TENM3: variants seen among roughly 807,000 people sequenced by gnomAD.
TENM3 encodes teneurin transmembrane protein 3.
A neutral mutation model predicts 255.1 loss-of-function variants in TENM3; 63 were observed. That is an observed-to-expected ratio of 0.25 (90% confidence interval 0.20 to 0.30). TENM3 has a LOEUF of 0.30. TENM3 is among the 10% of genes least tolerant of loss of function. The pLI, the probability that TENM3 is intolerant of heterozygous loss-of-function variation, is 1.00. For missense variants in TENM3, 2,929 were observed against 3,461.1 expected (o/e 0.85, Z 3.86); for synonymous variants, 1,306 against 1,322.3 (o/e 0.99, Z 0.27).
chr4:181,514,238 CTT>C, the TENM3 span, among the ~76,000 whole-genome samples: 4 of 152,094 alleles, frequency 2.6e-5, no homozygotes, highest in Non-Finnish European at 5.9e-5. Context: ...AAAACATAAA[CTT>C]TTTAATTCCA....
At chr4:181,648,872 G>A in the TENM3 span, among the ~76,000 whole-genome samples, 10 of 152,148 alleles carry the variant, frequency 6.6e-5, no homozygotes, top group South Asian at 2.1e-3. Context: ...TTGGAGTTTT[G>A]TGCATGAACA....
chr4:181,460,712 C>G, the TENM3 span, among the ~76,000 whole-genome samples: 1 of 133,230 alleles, frequency 7.5e-6, no homozygotes, highest in Non-Finnish European at 1.6e-5. Context: ...TCATGGCTTA[C>G]AATACACCCA....
At chr4:182,414,872 A>G (rs1770253316) in intron 3 of TENM3, among the ~76,000 whole-genome samples, 1 of 152,236 alleles carries the variant, frequency 6.6e-6, no homozygotes, top group African/African-American at 2.4e-5. Flanking sequence ...ACATAGAGAA[A>G]AAAGGTACAA....
chr4:182,078,306 G>A, the TENM3 span, among the ~76,000 whole-genome samples: 1 of 152,118 alleles, frequency 6.6e-6, no homozygotes, highest in African/African-American at 2.4e-5. Context: ...GCTGGATCAT[G>A]AGGTCAGGAG....
chr4:182,073,674 C>G, the TENM3 span, among the ~76,000 whole-genome samples: 114 of 152,192 alleles, frequency 7.5e-4, 1 homozygote, highest in African/African-American at 2.6e-3. Context: ...AAAATAGGGA[C>G]CTTAGTCTGT....
At chr4:182,242,875 C>T (rs1414619424), upstream of TENM3, among the ~76,000 whole-genome samples, 3 of 152,250 alleles carry the variant, frequency 2.0e-5, no homozygotes, top group East Asian at 3.9e-4. Context: ...GTGGGTAGTG[C>T]TTATCAGAGA....
intron 3 of TENM3, among the ~76,000 whole-genome samples, chr4:182,550,505 A>T (rs906068164): frequency 2.6e-5 from 4 of 152,152 alleles, no homozygotes; most frequent in African/African-American, 9.7e-5. Flanking sequence ...TGCAGATGTT[A>T]ATTTCAACAT....
chr4:182,208,238 AC>A (rs1279536359), intron 1 of TENM3, among the ~76,000 whole-genome samples: 2 of 152,162 alleles, frequency 1.3e-5, no homozygotes, highest in African/African-American at 4.8e-5. Flanking sequence ...CTGGGTAATC[AC>A]CCCATTAAGA....
the TENM3 span, among the ~76,000 whole-genome samples, chr4:181,678,122 T>C: frequency 6.6e-6 from 1 of 152,164 alleles, no homozygotes; most frequent in Non-Finnish European, 1.5e-5. Context: ...ATAGTAAACA[T>C]TGGTGAACAA....
At chr4:182,390,137 G>A (rs1258455391) in intron 3 of TENM3, among the ~76,000 whole-genome samples, 1 of 152,148 alleles carries the variant, frequency 6.6e-6, no homozygotes, top group African/African-American at 2.4e-5. Flanking sequence ...AGGGGATCCC[G>A]GGTGGGTCAT....
At chr4:182,035,921 G>T in the TENM3 span, among the ~76,000 whole-genome samples, 1 of 151,984 alleles carries the variant, frequency 6.6e-6, no homozygotes, top group Non-Finnish European at 1.5e-5. Flanking sequence ...CAAGTCAATG[G>T]CTCTGAGCCC....
chr4:181,703,074 A>G, the TENM3 span, among the ~76,000 whole-genome samples: 14 of 152,202 alleles, frequency 9.2e-5, no homozygotes, highest in Non-Finnish European at 1.9e-4. Context: ...GGGCTTCAGT[A>G]TCTTGATGAG....
chr4:181,498,482 A>C, the TENM3 span, among the ~76,000 whole-genome samples: 20 of 152,332 alleles, frequency 1.3e-4, no homozygotes, highest in Non-Finnish European at 2.8e-4. Flanking sequence ...TGATAAGCTT[A>C]AGACGATGGT....
chr4:181,654,625 G>A, the TENM3 span, among the ~76,000 whole-genome samples: 1 of 151,972 alleles, frequency 6.6e-6, no homozygotes, highest in African/African-American at 2.4e-5. Flanking sequence ...ATGGTGGCGG[G>A]TGCCTGTAAT....
the TENM3 span, among the ~76,000 whole-genome samples, chr4:181,545,153 G>A: frequency 6.6e-6 from 1 of 152,206 alleles, no homozygotes; most frequent in African/African-American, 2.4e-5. Flanking sequence ...AGCTTTTGGA[G>A]CAAGTTATTA....
chr4:182,529,031 C>T (rs1005768877), intron 3 of TENM3, among the ~76,000 whole-genome samples: 11 of 152,188 alleles, frequency 7.2e-5, no homozygotes, highest in African/African-American at 2.7e-4. Flanking sequence ...CGTTTAGCTG[C>T]GGTAACAAAT....
At chr4:181,703,557 G>T in the TENM3 span, among the ~76,000 whole-genome samples, 61 of 152,058 alleles carry the variant, frequency 4.0e-4, 1 homozygote, top group South Asian at 2.1e-4. Flanking sequence ...GACTTTTCTC[G>T]CCCAGACTCA....
At chr4:181,864,761 G>A in the TENM3 span, among the ~76,000 whole-genome samples, 3 of 152,230 alleles carry the variant, frequency 2.0e-5, no homozygotes, top group Admixed American at 6.5e-5. Context: ...GGGGAATCTC[G>A]ATGCCCAGCA....
chr4:181,871,546 A>G, the TENM3 span, among the ~76,000 whole-genome samples: 1 of 152,146 alleles, frequency 6.6e-6, no homozygotes, highest in Admixed American at 6.5e-5. Context: ...TATGCCTTTT[A>G]TGTCTTTCTC....
Sources: gnomAD v4.1 joint callset for allele counts (sites outside exome capture counted in the v4.1 genomes callset) on GRCh38, gnomAD v4.1.1 for gene constraint, MANE v1.5 for transcripts, NCBI Gene and HGNC (gene_info 2026-07-23, HGNC 2026-07-21) for gene names.